The following CTNNA3 variants were observed in gnomAD, a reference collection of about 807,000 sequenced individuals.
The protein encoded by CTNNA3 is catenin alpha 3.
A neutral mutation model predicts 95.7 loss-of-function variants in CTNNA3; 76 were observed. The ratio of observed to expected loss-of-function variants is 0.79; its 90% confidence interval spans 0.66 to 0.96. The LOEUF (loss-of-function observed/expected upper bound fraction) is 0.96, where lower values mean the gene tolerates loss of function less well. Ranked by LOEUF, CTNNA3 falls within the 40% of genes least tolerant of loss-of-function variation. The pLI is 0.00. For synonymous variants in CTNNA3, 431 were observed against 374.4 expected (o/e 1.15, Z -1.74); for missense variants, 1,191 against 1,089.8 (o/e 1.09, Z -1.31).
At chr10:66,843,831 G>A (rs1390997229) in intron 7 of CTNNA3, among the ~76,000 whole-genome samples, 1 of 152,178 alleles carries the variant, frequency 6.6e-6, no homozygotes, top group African/African-American at 2.4e-5. Flanking sequence ...TTGATTTGGT[G>A]AGAAAGGGAG....
At chr10:66,357,787 T>C (rs2092622683) in intron 12 of CTNNA3, among the ~76,000 whole-genome samples, 1 of 152,142 alleles carries the variant, frequency 6.6e-6, no homozygotes. Flanking sequence ...GGGTGTATGT[T>C]TTTATCTCTC....
intron 5 of CTNNA3, among the ~76,000 whole-genome samples, chr10:67,395,435 C>T (rs1306319229): frequency 1.3e-5 from 2 of 152,152 alleles, no homozygotes; most frequent in African/African-American, 4.8e-5. Context: ...CACCTCCCAC[C>T]AAGCAAGAAT....
intron 7 of CTNNA3, among the ~76,000 whole-genome samples, chr10:66,833,790 AG>A (rs1842803016): frequency 6.6e-6 from 1 of 152,166 alleles, no homozygotes; most frequent in African/African-American, 2.4e-5. Context: ...AGGGAGAGAA[AG>A]GCTCCTCTTC....
intron 1 of CTNNA3, among the ~76,000 whole-genome samples, chr10:67,743,518 A>G (rs1380252393): frequency 6.6e-6 from 1 of 151,370 alleles, no homozygotes; most frequent in Non-Finnish European, 1.5e-5. Flanking sequence ...AATAAGAGCT[A>G]TCTATGACAA....
At chr10:66,433,556 T>C (rs1387529089) in intron 11 of CTNNA3, among the ~76,000 whole-genome samples, 1 of 152,196 alleles carries the variant, frequency 6.6e-6, no homozygotes, top group Non-Finnish European at 1.5e-5. Flanking sequence ...CTTTGTCAAA[T>C]GGATAGATTG....
intron 5 of CTNNA3, among the ~76,000 whole-genome samples, chr10:67,362,374 G>A (rs914978233): frequency 6.6e-6 from 1 of 151,928 alleles, no homozygotes. Context: ...AAAATCCCCA[G>A]CAAAATACTA....
rs112294318 is a variant in CTNNA3 at position 66,375,822 on chromosome 10, T to C, written c.1732+3330A>G. 6.2e-3 allele frequency among the ~76,000 whole-genome samples: 943 copies of C among 152,296 alleles called. 14 individuals carry two copies. Among genetic ancestry groups the C allele is most frequent in the African/African-American group, 0.022 (910 of 41,556 alleles). On this transcript the variant is annotated intron_variant, in intron 12 of 17. Coordinates refer to ENST00000433211, the MANE Select transcript of CTNNA3 (RefSeq NM_013266.4). ...TCAAAATTTCTTTCAACTGTCTCAT[T>C]TGCCTTTGAGACAAAAAACATGTAA... is the stretch of plus-strand genomic sequence containing the variant.
At chr10:66,023,937 AC>A in intron 15 of CTNNA3, among the ~76,000 whole-genome samples, 1 of 152,178 alleles carries the variant, frequency 6.6e-6, no homozygotes, top group Non-Finnish European at 1.5e-5. Flanking sequence ...CGATATTTTA[AC>A]CAATACAAAG....
At chr10:66,311,785 A>T (rs1008445117) in intron 12 of CTNNA3, among the ~76,000 whole-genome samples, 34 of 152,134 alleles carry the variant, frequency 2.2e-4, no homozygotes, top group African/African-American at 6.3e-4. Flanking sequence ...TGGGAAAATA[A>T]TTTTTTTTAC....
In CTNNA3 at chr10:66,420,798, C is replaced by CAAATAAATAAAT. The variant is rs547995552; in HGVS notation, c.1532-41458_1532-41447dup. On this transcript the variant is annotated intron_variant, in intron 11 of 17. Coordinates refer to ENST00000433211, the MANE Select transcript of CTNNA3 (RefSeq NM_013266.4). ...TGGGTGACACAGCAAGACTCTGTCT[C>CAAATAAATAAAT]AAATAAATAAATAAATAAATAAATA... Among the ~76,000 whole-genome samples the CAAATAAATAAAT allele has an allele frequency of 0.011, 1,243 of 115,254 alleles. 53 individuals are homozygous for CAAATAAATAAAT. In the East Asian group the frequency reaches 0.2, roughly 19 times the overall value. The allele number at this position is 115,254 out of a possible 152,430, so 75.6% of individuals were successfully genotyped here. A position where few individuals can be genotyped will look rare whatever the true frequency, so the allele number is the denominator to read the frequency against.
intron 10 of CTNNA3, among the ~76,000 whole-genome samples, chr10:66,531,191 A>G (rs1392965327): frequency 6.6e-6 from 1 of 152,202 alleles, no homozygotes. Flanking sequence ...CAAAATCACC[A>G]ATACGTAGGG....
chr10:66,853,289 C>T (rs568015722), intron 7 of CTNNA3, among the ~76,000 whole-genome samples: 1 of 151,914 alleles, frequency 6.6e-6, no homozygotes, highest in African/African-American at 2.4e-5. Flanking sequence ...TTATCCGGCC[C>T]GTTAGAGAAA....
At chr10:66,343,443 AG>A (rs1198304872) in intron 12 of CTNNA3, among the ~76,000 whole-genome samples, 1 of 152,108 alleles carries the variant, frequency 6.6e-6, no homozygotes, top group Non-Finnish European at 1.5e-5. Context: ...TTGGAGGATT[AG>A]GACATTATGT....
chr10:67,368,997 C>T (rs1474062282), intron 5 of CTNNA3, among the ~76,000 whole-genome samples: 1 of 152,148 alleles, frequency 6.6e-6, no homozygotes, highest in Non-Finnish European at 1.5e-5. Context: ...AAATTGTACA[C>T]TTAAAATGTA....
At chr10:67,350,910 GTATATA>G (rs3057678) in intron 5 of CTNNA3, among the ~76,000 whole-genome samples, 152 of 141,814 alleles carry the variant, frequency 1.1e-3, no homozygotes, top group African/African-American at 3.8e-3. Context: ...AAAAGTATGT[GTATATA>G]TATATATATA....
At chr10:66,299,172 C>T (rs1302515070) in intron 12 of CTNNA3, among the ~76,000 whole-genome samples, 1 of 152,126 alleles carries the variant, frequency 6.6e-6, no homozygotes, top group Non-Finnish European at 1.5e-5. Flanking sequence ...ATTGATGTCT[C>T]GTATCTCACT....
In CTNNA3 at chr10:65,914,185, A is replaced by G. The variant is rs2076979790; in HGVS notation, c.*6145T>C. 6.6e-6 allele frequency: 1 copy of G among 152,196 alleles called. No individual in the cohort carries two copies. The highest frequency in any genetic ancestry group is 1.5e-5 in the Non-Finnish European group (1 of 68,026). The allele number at this position is 152,196 out of a possible 1,614,324, so 9.4% of individuals were successfully genotyped here. On this transcript the variant is annotated 3_prime_UTR_variant, in exon 18 of 18. Coordinates refer to ENST00000433211, the MANE Select transcript of CTNNA3 (RefSeq NM_013266.4). ...GAAGAAACATTTAGACATAATTGTTAGAAATCTGAGCCTTTTTGAAAGAGA... is the reference window on the plus strand; with the variant it reads ...GAAGAAACATTTAGACATAATTGTTGGAAATCTGAGCCTTTTTGAAAGAGA...
At chr10:66,144,164 T>C (rs2083757545) in intron 13 of CTNNA3, among the ~76,000 whole-genome samples, 1 of 152,180 alleles carries the variant, frequency 6.6e-6, no homozygotes, top group Non-Finnish European at 1.5e-5. Context: ...AAATCTCTTC[T>C]TACAGTTTGG....
chr10:66,661,044 A>G (rs1284886177), intron 9 of CTNNA3, among the ~76,000 whole-genome samples: 1 of 152,134 alleles, frequency 6.6e-6, no homozygotes. Flanking sequence ...CATAGTAAAT[A>G]CTGAATAAAT....
Sources: gnomAD v4.1 joint callset for allele counts (sites outside exome capture counted in the v4.1 genomes callset) on GRCh38, gnomAD v4.1.1 for gene constraint, MANE v1.5 for transcripts, NCBI Gene and HGNC (gene_info 2026-07-23, HGNC 2026-07-21) for gene names.